Variants in MAD2L1 observed in about 807,000 individuals in gnomAD.
MAD2L1 encodes mitotic spindle assembly checkpoint protein MAD2A.
A neutral mutation model predicts 25.9 loss-of-function variants in MAD2L1; 10 were observed. The observed-to-expected ratio is 0.39, with a 90% CI of 0.24 to 0.66. The LOEUF (loss-of-function observed/expected upper bound fraction) is 0.66, where lower values mean the gene tolerates loss of function less well. Ranked by LOEUF, MAD2L1 falls within the 30% of genes least tolerant of loss-of-function variation. The pLI is 0.49. For synonymous variants in MAD2L1, 81 were observed against 91.8 expected, an observed-to-expected ratio of 0.88 and a Z score of 0.67; for missense variants, 180 against 246.4, an observed-to-expected ratio of 0.73 and a Z score of 1.80.
intron 1 of MAD2L1, among the ~76,000 whole-genome samples, chr4:120,066,342 TAAAAAA>T (rs200996570): frequency 4.2e-5 from 6 of 143,710 alleles, no homozygotes; most frequent in African/African-American, 1.5e-4. Flanking sequence ...CTCTCGCAGT[TAAAAAA>T]AAAAAAGAAA....
At chr4:120,061,632 A>G (rs1285943735) in intron 3 of MAD2L1, among the ~76,000 whole-genome samples, 1 of 152,262 alleles carries the variant, frequency 6.6e-6, no homozygotes, top group East Asian at 1.9e-4. Context: ...GTGTGAGTCT[A>G]ATATCATTCC....
rs892365547 is a variant in MAD2L1, at chr4:120,058,639, A to G, written c.*1479T>C. 2 of 152,180 alleles carry G rather than the reference A, an allele frequency of 1.3e-5. No homozygotes were observed. The highest frequency in any genetic ancestry group is 2.4e-5 in the African/African-American group (1 of 41,446). 9.4% of individuals were successfully genotyped at this position (152,180 alleles called of 1,614,324 possible). On this transcript the variant is annotated 3_prime_UTR_variant, in exon 5 of 5. Coordinates refer to ENST00000296509, the MANE Select transcript of MAD2L1 (RefSeq NM_002358.4). ...ATAAGACTCCATCTTGGGGGGGAAA[A>G]GTGATTTCGCAGAATTTAGTCTGAC...
Position 120,066,720 on chromosome 4 carries a change from G to C in MAD2L1, c.15C>G (p.Leu5=), listed in dbSNP as rs781707248. The C allele has an allele frequency of 1.2e-6, 2 of 1,601,802 alleles. No individual in the cohort carries two copies. The highest frequency in any genetic ancestry group is 1.7e-6 in the Non-Finnish European group (2 of 1,171,552). The change falls in exon 1 of 5, where the codon CTC becomes CTG. Residue 5 remains leucine, a synonymous_variant. Transcript: ENST00000296509. The part of the protein sequence containing the change: MALQ[L]SREQGITLRG... ...GCAGGGTGATTCCCTGCTCCCGGGA[G>C]AGCTGCAGCGCCATGGCCAGGGACA...
At chr4:120,065,459 C>A in intron 2 of MAD2L1, 1 of 458,570 alleles carries the variant, frequency 2.2e-6, no homozygotes, top group Non-Finnish European at 3.9e-6. Context: ...TTTTTTTAGC[C>A]ATATCAGATT....
At chr4:120,065,440 T>C (rs1182819539) in intron 2 of MAD2L1, 4 of 419,910 alleles carry the variant, frequency 9.5e-6, no homozygotes, top group Non-Finnish European at 1.7e-5. Flanking sequence ...AGGGAGTTGA[T>C]GAAGACTATT....
At chr4:120,061,831 A>T (rs1726222767) in intron 3 of MAD2L1, 144 bp downstream of exon 3, 1 of 601,560 alleles carries the variant, frequency 1.7e-6, no homozygotes, top group Non-Finnish European at 2.8e-6. Context: ...TCCATAGGTG[A>T]CTGAGGATAT....
At position 120,066,657 on chromosome 4, in the gene MAD2L1, C is replaced by G; in HGVS notation, c.73+5G>C. 6.2e-7 allele frequency: 1 copy of G among 1,602,354 alleles called. No homozygotes were observed. Among genetic ancestry groups the G allele is most frequent in the African/African-American group, 1.3e-5 (1 of 74,902 alleles). ...CCCGATATATTGGCCTGCGCGAGAA[C>G]TTACAGAAGAACTCGGCCACGATTT... is the stretch of plus-strand genomic sequence containing the variant. On this transcript the variant is annotated splice_donor_5th_base_variant and intron_variant, in intron 1 of 4. Coordinates refer to ENST00000296509, the MANE Select transcript of MAD2L1 (RefSeq NM_002358.4).
At chr4:120,062,876 G>A (rs2110508750) in intron 2 of MAD2L1, among the ~76,000 whole-genome samples, 1 of 152,272 alleles carries the variant, frequency 6.6e-6, no homozygotes, top group Admixed American at 6.5e-5. Flanking sequence ...ATTCAAGCAA[G>A]AGTTAATGAA....
At chr4:120,063,050 G>C (rs1726252051) in intron 2 of MAD2L1, among the ~76,000 whole-genome samples, 1 of 152,108 alleles carries the variant, frequency 6.6e-6, no homozygotes. Flanking sequence ...GTCATTCATT[G>C]AGAGAAAAAA....
chr4:120,062,037 A>G lies in MAD2L1; in HGVS notation c.279T>C (p.Ser93=). 2 of 1,613,012 alleles carry G rather than the reference A, an allele frequency of 1.2e-6. No individual in the cohort carries two copies. Among genetic ancestry groups the G allele is most frequent in the Non-Finnish European group, 1.7e-6 (2 of 1,179,294 alleles). The change falls in exon 3 of 5, where the codon AGT becomes AGC. Residue 93 remains serine, a synonymous_variant. Coordinates refer to ENST00000296509, the MANE Select transcript of MAD2L1 (RefSeq NM_002358.4). ...ACTGCCATCTTTCCAGGACCTCACC[A>G]CTTTCAATATTTGAGATAACTACAA... ...KLVVVISNIE[S]GEVLERWQFD...
chr4:120,056,549 A>C lies in MAD2L1; in HGVS notation c.*3569T>G, dbSNP rs1726113348. 2 of 152,246 alleles carry C rather than the reference A, an allele frequency of 1.3e-5. No homozygotes were observed. Among genetic ancestry groups the C allele is most frequent in the Non-Finnish European group, 2.9e-5 (2 of 68,034 alleles). The allele number at this position is 152,246 out of a possible 1,614,324, so 9.4% of individuals were successfully genotyped here. ...ATACTAAATGAAAACAAGATGAAGA[A>C]ATGGTCTATGAAGTTATCTACCTTA... is the stretch of plus-strand genomic sequence containing the variant. On this transcript the variant is annotated 3_prime_UTR_variant, in exon 5 of 5. Coordinates refer to ENST00000296509, the MANE Select transcript of MAD2L1 (RefSeq NM_002358.4).
rs781434043 is a variant in MAD2L1, at chr4:120,065,835, TG to T, written c.74-18del. The T allele has an allele frequency of 7.5e-6, 12 of 1,610,494 alleles. No individual in the cohort carries two copies. In the South Asian group the frequency reaches 1.2e-4, roughly 16 times the overall value. On this transcript the variant is annotated intron_variant, in intron 1 of 4. Transcript: ENST00000296509. ...TGCCGAATGCTGCAAGCAAAAGAAA[TG>T]TTACAGAAAATTCATTATCCCTGCA...
At chr4:120,061,931 G>GA in intron 3 of MAD2L1, 44 bp downstream of exon 3, 4 of 1,505,678 alleles carry the variant, frequency 2.7e-6, no homozygotes, top group Admixed American at 4.5e-5. Context: ...AACAAGTTTT[G>GA]AAAAAAAATA....
At position 120,066,713 on chromosome 4, in the gene MAD2L1, C is replaced by T. The variant is rs750653937; in HGVS notation, c.22G>A (p.Glu8Lys). The T allele has an allele frequency of 5.0e-6, 8 of 1,602,440 alleles. No homozygotes were observed. The highest frequency in any genetic ancestry group is 6.8e-6 in the Non-Finnish European group (8 of 1,172,088). The change falls in exon 1 of 5, where the codon GAG (glutamate) becomes AAG (lysine). Residue 8 changes from glutamate (E) to lysine (K), a missense_variant. Physicochemically the swap from Glu to Lys is moderately conservative, Grantham distance 56. Coordinates refer to ENST00000296509, the MANE Select transcript of MAD2L1 (RefSeq NM_002358.4). ...CTCCCGCGCAGGGTGATTCCCTGCT[C>T]CCGGGAGAGCTGCAGCGCCATGGCC... MALQLSREQGITLRGSAE... is the reference protein window; with the variant it reads MALQLSRKQGITLRGSAE...
At position 120,060,869 on chromosome 4, in the gene MAD2L1, C is replaced by T; in HGVS notation, c.445+5G>A. On this transcript the variant is annotated splice_donor_5th_base_variant and intron_variant, in intron 4 of 4. Transcript: ENST00000296509. ...TAATTCAACAAGAAGTTGTATAATA[C>T]TTACAAGAAACTTCCAACAGTGGCA... The T allele has an allele frequency of 6.3e-7, 1 of 1,586,982 alleles. No homozygotes were observed. The highest frequency in any genetic ancestry group is 1.3e-5 in the African/African-American group (1 of 74,452).
At chr4:120,063,216 G>A (rs1370055572) in intron 2 of MAD2L1, among the ~76,000 whole-genome samples, 1 of 152,160 alleles carries the variant, frequency 6.6e-6, no homozygotes, top group Admixed American at 6.5e-5. Context: ...TTTGTGAGCT[G>A]ACTACACAGA....
rs1362072558 is a variant in MAD2L1, at chr4:120,066,678, G to C, written c.57C>G (p.Ile19Met). Residue 19 changes from isoleucine to methionine, a missense_variant, in exon 1 of 5, where the codon ATC (isoleucine) becomes ATG (methionine). Transcript: ENST00000296509. ...QGITLRGSAE[I>M]VAEFFSFGIN... Reference sequence around the variant, plus strand: ...AGAACTTACAGAAGAACTCGGCCACGATTTCGGCGCTCCCGCGCAGGGTGA... The same window carrying C: ...AGAACTTACAGAAGAACTCGGCCACCATTTCGGCGCTCCCGCGCAGGGTGA... 1.2e-6 allele frequency: 2 copies of C among 1,603,898 alleles called. No homozygotes were observed. The highest frequency in any genetic ancestry group is 2.2e-5 in the South Asian group (2 of 89,830).
intron 1 of MAD2L1, among the ~76,000 whole-genome samples, 169 bp downstream of exon 1, chr4:120,066,493 G>T (rs996448741): frequency 6.6e-6 from 1 of 152,182 alleles, no homozygotes; most frequent in African/African-American, 2.4e-5. Flanking sequence ...CGCGAGGTAG[G>T]CCCCAGCAGC....
intron 2 of MAD2L1, 39 bp from the exon 3 acceptor site, chr4:120,062,134 C>G (rs764605834): frequency 2.5e-6 from 4 of 1,585,892 alleles, no homozygotes; most frequent in Non-Finnish European, 3.4e-6. Flanking sequence ...TCTTGGTCCA[C>G]TGCATCATAA....
Sources: allele counts gnomAD v4.1 joint callset (sites outside exome capture counted in the v4.1 genomes callset), GRCh38; gene constraint gnomAD v4.1.1; transcripts MANE v1.5; gene names NCBI Gene and HGNC (gene_info 2026-07-23, HGNC 2026-07-21).